Variants in CXorf58 observed in about 807,000 individuals in gnomAD.
CXorf58 encodes uncharacterized protein CXorf58.
CXorf58 carries 24 observed loss-of-function variants against 26.0 expected under a neutral mutation model. The ratio of observed to expected loss-of-function variants is 0.92; its 90% confidence interval spans 0.67 to 1.30. The LOEUF (loss-of-function observed/expected upper bound fraction) is 1.30, where lower values mean the gene tolerates loss of function less well. CXorf58 is among the 50% of genes most tolerant of loss of function. The pLI is 0.00. For synonymous variants in CXorf58, 87 were observed against 86.1 expected (o/e 1.01, Z -0.06); for missense variants, 236 against 263.9 (o/e 0.89, Z 0.73).
At chrX:23,911,364 A>G (rs1202687836) in intron 2 of CXorf58, among the ~76,000 whole-genome samples, 1 of 111,841 alleles carries the variant, frequency 8.9e-6, no homozygotes, top group African/African-American at 3.3e-5. Flanking sequence ...ACTATTCCCC[A>G]TTCCATTTTC....
intron 7 of CXorf58, among the ~76,000 whole-genome samples, chrX:23,936,885 A>G (rs1928307600): frequency 8.9e-6 from 1 of 112,135 alleles, no homozygotes; most frequent in South Asian, 3.7e-4. Context: ...TATAGAATTT[A>G]ACCCTATTAC....
intron 1 of CXorf58, 57 bp from the exon 2 acceptor site, chrX:23,910,226 C>T (rs965583761): frequency 1.8e-6 from 1 of 558,745 alleles, no homozygotes; most frequent in African/African-American, 2.3e-5. Flanking sequence ...TGAGTCTTGT[C>T]CAAACAGTGT....
chrX:23,911,745 T>C lies in CXorf58; in HGVS notation c.117-12T>C. 1 of 1,112,707 alleles carries C rather than the reference T, an allele frequency of 9.0e-7. No individual in the cohort carries two copies. Among genetic ancestry groups the C allele is most frequent in the Non-Finnish European group, 1.2e-6 (1 of 821,685 alleles). The allele number at this position is 1,112,707 out of a possible 1,213,427, so 91.7% of individuals were successfully genotyped here. ...ACTACTTTATAAATATTAACCTCTTTTTTTCTCTCAGAATGCTTAAAGACA... is the reference window on the plus strand; with the variant it reads ...ACTACTTTATAAATATTAACCTCTTCTTTTCTCTCAGAATGCTTAAAGACA... On this transcript the variant is annotated splice_polypyrimidine_tract_variant and intron_variant, in intron 2 of 8. Coordinates refer to ENST00000379211, the MANE Select transcript of CXorf58 (RefSeq NM_152761.3).
At chrX:23,909,982 G>A (rs1013543550) in intron 1 of CXorf58, among the ~76,000 whole-genome samples, 2 of 112,035 alleles carry the variant, frequency 1.8e-5, no homozygotes, top group Non-Finnish European at 3.8e-5. Flanking sequence ...AGAGTGAGGA[G>A]ATTGAATTAT....
intron 5 of CXorf58, among the ~76,000 whole-genome samples, chrX:23,924,817 T>TA (rs752658855): frequency 1.8e-5 from 2 of 110,799 alleles, no homozygotes. Flanking sequence ...AGTGTAATAA[T>TA]AAAAAAAGGG....
At chrX:23,926,585 T>C (rs1050454405) in intron 5 of CXorf58, among the ~76,000 whole-genome samples, 2 of 111,562 alleles carry the variant, frequency 1.8e-5, no homozygotes, top group Non-Finnish European at 3.8e-5. Flanking sequence ...TTTCTCTGCA[T>C]TGACTGCACG....
chrX:23,924,997 A>G (rs1281553586), intron 5 of CXorf58, among the ~76,000 whole-genome samples: 1 of 111,438 alleles, frequency 9.0e-6, no homozygotes, highest in Non-Finnish European at 1.9e-5. Context: ...CATCAATAAA[A>G]TAGCATGCTG....
intron 7 of CXorf58, among the ~76,000 whole-genome samples, chrX:23,937,466 C>T (rs1475632224): frequency 9.4e-6 from 1 of 105,932 alleles, no homozygotes; most frequent in Admixed American, 1.0e-4. Context: ...CTCTTGTCAC[C>T]CAGGCTGGAG....
rs765187437 is a variant in CXorf58 at position 23,910,337 on chromosome X, T to A, written c.35T>A (p.Ile12Asn). The change falls in exon 2 of 9, where the codon ATT (isoleucine) becomes AAT (asparagine). Residue 12 changes from isoleucine (I) to asparagine (N), a missense_variant. Physicochemically the swap from Ile to Asn is moderately radical, Grantham distance 149. Coordinates refer to ENST00000379211, the MANE Select transcript of CXorf58 (RefSeq NM_152761.3). ...NRSSNVPRKG[I>N]LKSGTRSLQK... ...TCCTCAAATGTACCACGTAAAGGTA[T>A]TCTGAAATCAGGTACAAGATCCTTA... The A allele has an allele frequency of 1.7e-6, 2 of 1,194,055 alleles. No homozygotes were observed. The highest frequency in any genetic ancestry group is 2.3e-6 in the Non-Finnish European group (2 of 883,606).
chrX:23,925,652 C>G (rs1927987562), intron 5 of CXorf58, among the ~76,000 whole-genome samples: 1 of 109,709 alleles, frequency 9.1e-6, no homozygotes, highest in Non-Finnish European at 1.9e-5. Context: ...CTGGCCTCAA[C>G]CACTCTTTTA....
intron 3 of CXorf58, among the ~76,000 whole-genome samples, chrX:23,914,285 C>T (rs1927661479): frequency 9.1e-6 from 1 of 110,486 alleles, no homozygotes; most frequent in African/African-American, 3.3e-5. Context: ...GGGGTTTCAC[C>T]ATGTTGACCA....
chrX:23,925,346 CTT>C lies in CXorf58; in HGVS notation c.424-1875_424-1874del, dbSNP rs759663219. ...CTGTCTCAACCACTCTTTCTTTTCT[CTT>C]TTTTTTTTTTTTTTTTTGAGACAGC... On this transcript the variant is annotated intron_variant, in intron 5 of 8. Coordinates refer to ENST00000379211, the MANE Select transcript of CXorf58 (RefSeq NM_152761.3). Among the ~76,000 whole-genome samples the C allele has an allele frequency of 7.7e-3, 711 of 91,921 alleles. 4 individuals are homozygous for C. The highest frequency in any genetic ancestry group is 0.027 in the African/African-American group (657 of 24,295). The allele number at this position is 91,921 out of a possible 115,157, so 79.8% of individuals were successfully genotyped here.
At chrX:23,911,942 C>A in intron 3 of CXorf58, 86 bp downstream of exon 3, 9 of 593,924 alleles carry the variant, frequency 1.5e-5, no homozygotes, top group South Asian at 2.6e-5. Flanking sequence ...AGATAACCTT[C>A]TTTATCTCCT....
intron 6 of CXorf58, among the ~76,000 whole-genome samples, chrX:23,930,196 C>CAAAA (rs752970734): frequency 2.6e-3 from 93 of 36,362 alleles, no homozygotes; most frequent in East Asian, 3.7e-3. Context: ...GACTCTGTCT[C>CAAAA]AAAAAAAAAA....
At chrX:23,925,394 C>T (rs1382405235) in intron 5 of CXorf58, among the ~76,000 whole-genome samples, 10 of 102,361 alleles carry the variant, frequency 9.8e-5, no homozygotes, top group African/African-American at 3.3e-4. Flanking sequence ...GTCACCCAGA[C>T]TGGAGTGCAG....
chrX:23,915,168 G>A (rs1162730493), intron 3 of CXorf58, among the ~76,000 whole-genome samples: 1 of 112,376 alleles, frequency 8.9e-6, no homozygotes, highest in Non-Finnish European at 1.9e-5. Flanking sequence ...TGTTGCTGAT[G>A]TAAGGATTAA....
rs188451873 is a variant in CXorf58 at position 23,929,878 on chromosome X, C to G, written c.555+2508C>G. Among the ~76,000 whole-genome samples the G allele has an allele frequency of 1.7e-3, 189 of 111,546 alleles. 1 individual carries two copies. Among genetic ancestry groups the G allele is most frequent in the African/African-American group, 5.8e-3 (178 of 30,735 alleles). On this transcript the variant is annotated intron_variant, in intron 6 of 8. Coordinates refer to ENST00000379211, the MANE Select transcript of CXorf58 (RefSeq NM_152761.3). ...TTAAAGCCAGTTCTCATTTACCATTCTGAAAATTTTAGGGCCCTTAAAAAT... is the reference window on the plus strand; with the variant it reads ...TTAAAGCCAGTTCTCATTTACCATTGTGAAAATTTTAGGGCCCTTAAAAAT...
chrX:23,910,563 T>C (rs1927548894), intron 2 of CXorf58, 145 bp downstream of exon 2: 4 of 407,486 alleles, frequency 9.8e-6, no homozygotes, highest in Non-Finnish European at 1.3e-5. Flanking sequence ...GTAATTATAA[T>C]TGCATTTTCT....
chrX:23,938,620 C>T lies in CXorf58; in HGVS notation c.859C>T (p.Arg287Ter), dbSNP rs754349627. 4 of 1,193,514 alleles carry T rather than the reference C, an allele frequency of 3.4e-6. No homozygotes were observed. Among genetic ancestry groups the T allele is most frequent in the South Asian group, 1.8e-5 (1 of 54,760 alleles). The change falls in exon 8 of 9, where the codon CGA becomes TGA. Residue 287 changes from arginine (R) to a stop codon, truncating the protein, a stop_gained. Transcript: ENST00000379211. LOFTEE classifies it high-confidence loss of function. ...QQNQVKFLGR[R>*]SKQAQMKVEK... ...AAATCAAGTTAAATTTCTGGGTCGT[C>T]GATCCAAGCAAGCTCAAATGAAAGT...
Sources: gnomAD v4.1 joint callset for allele counts (sites outside exome capture counted in the v4.1 genomes callset) on GRCh38, gnomAD v4.1.1 for gene constraint, MANE v1.5 for transcripts, NCBI Gene and HGNC (gene_info 2026-07-23, HGNC 2026-07-21) for gene names.